Variants in TRPM3 observed in about 807,000 individuals in gnomAD.
TRPM3 encodes the protein long transient receptor potential channel 3.
A neutral mutation model predicts 181.2 loss-of-function variants in TRPM3; 77 were observed. The ratio of observed to expected loss-of-function variants is 0.42; its 90% CI spans 0.35 to 0.51. The LOEUF is 0.51. Among genes scored for constraint, TRPM3 ranks in the 20% least tolerant of loss-of-function variants. The pLI is 0.01. For synonymous variants in TRPM3, 745 were observed against 796.4 expected, an observed-to-expected ratio of 0.94 and a Z score of 1.09; for missense variants, 1,759 against 2,196.7, an observed-to-expected ratio of 0.80 and a Z score of 3.98.
chr9:71,240,892 G>A (rs2081625611), intron 1 of TRPM3, among the ~76,000 whole-genome samples: 1 of 152,024 alleles, frequency 6.6e-6, no homozygotes, highest in Admixed American at 6.6e-5. Flanking sequence ...GAACTCTTTT[G>A]GCTCCTTGTA....
In TRPM3 at chr9:71,011,382, T is replaced by C. The variant is rs78268006; in HGVS notation, c.177+109796A>G. On this transcript the variant is annotated intron_variant, in intron 1 of 25. Coordinates refer to ENST00000677713, the MANE Select transcript of TRPM3 (RefSeq NM_001366145.2). ...ATTTAAACATTACATTATACATGCATTGAAAAAGCACACTGTACCCCACAA... is the reference window on the plus strand; with the variant it reads ...ATTTAAACATTACATTATACATGCACTGAAAAAGCACACTGTACCCCACAA... Among the ~76,000 whole-genome samples, 757 of 152,278 alleles carry C rather than the reference T, an allele frequency of 5.0e-3. 19 individuals are homozygous for C. In the East Asian group the frequency reaches 0.078, roughly 16 times the overall value.
chr9:70,576,027 A>G (rs766084625), intron 22 of TRPM3, among the ~76,000 whole-genome samples: 1 of 152,150 alleles, frequency 6.6e-6, no homozygotes, highest in South Asian at 2.1e-4. Flanking sequence ...TTTCTGACCC[A>G]TCTATGAGCC....
At chr9:70,843,181 T>A in intron 4 of TRPM3, 54 bp from the exon 5 acceptor site, 2 of 1,565,148 alleles carry the variant, frequency 1.3e-6, no homozygotes, top group Non-Finnish European at 1.7e-6. Context: ...TACCTTTTCA[T>A]CATTCTAAAG....
At position 70,532,300 on chromosome 9, in the gene TRPM3, T is replaced by G. The variant is rs1406691359; in HGVS notation, c.*3653A>C. 1 of 152,222 alleles carries G rather than the reference T, an allele frequency of 6.6e-6. No individual in the cohort carries two copies. The highest frequency in any genetic ancestry group is 1.5e-5 in the Non-Finnish European group (1 of 68,040). 9.4% of individuals were successfully genotyped at this position (152,222 alleles called of 1,614,324 possible). A position where few individuals can be genotyped will look rare whatever the true frequency, so the allele number is the denominator to read the frequency against. ...ATAGAAACCATATTTTAGAATACATTTGAAACATTCAGAAGAAACACATTT... is the reference window on the plus strand; with the variant it reads ...ATAGAAACCATATTTTAGAATACATGTGAAACATTCAGAAGAAACACATTT... On this transcript the variant is annotated 3_prime_UTR_variant, in exon 26 of 26. Coordinates refer to ENST00000677713, the MANE Select transcript of TRPM3 (RefSeq NM_001366145.2).
At chr9:71,143,923 T>C (rs2075270221) in intron 1 of TRPM3, among the ~76,000 whole-genome samples, 1 of 152,206 alleles carries the variant, frequency 6.6e-6, no homozygotes, top group Admixed American at 6.5e-5. Flanking sequence ...GCTTTTGATT[T>C]GCAGTTCTCT....
At chr9:71,192,967 G>GTCC (rs1232529097) in intron 1 of TRPM3, among the ~76,000 whole-genome samples, 1 of 151,752 alleles carries the variant, frequency 6.6e-6, no homozygotes, top group East Asian at 1.9e-4. Flanking sequence ...TATCATTTTT[G>GTCC]TCAATTAAAT....
Position 70,650,398 on chromosome 9 carries a change from G to A in TRPM3, c.1346-9738C>T, listed in dbSNP as rs901316129. Among the ~76,000 whole-genome samples the A allele has an allele frequency of 4.6e-5, 7 of 152,248 alleles. No individual in the cohort carries two copies. In the East Asian group the frequency reaches 1.4e-3, roughly 29 times the overall value. On this transcript the variant is annotated intron_variant, in intron 9 of 25. Transcript: ENST00000677713. ...CTTGGTCATTTTGCCTGGAGGCCCA[G>A]GGTATCCTTTATTTTTCTCTGAAGT...
At chr9:71,437,551 T>C (rs2094060486) in intron 1 of TRPM3, among the ~76,000 whole-genome samples, 1 of 152,154 alleles carries the variant, frequency 6.6e-6, no homozygotes, top group East Asian at 1.9e-4. Context: ...AATTGAATGA[T>C]TATAAGAGAC....
chr9:71,425,436 C>T (rs2093846667), intron 1 of TRPM3, among the ~76,000 whole-genome samples: 1 of 152,118 alleles, frequency 6.6e-6, no homozygotes, highest in Non-Finnish European at 1.5e-5. Flanking sequence ...CTGCTTAAGT[C>T]AGAAACATAG....
intron 1 of TRPM3, among the ~76,000 whole-genome samples, chr9:70,971,728 G>A (rs1295211074): frequency 1.3e-5 from 2 of 152,162 alleles, no homozygotes; most frequent in East Asian, 3.8e-4. Flanking sequence ...ATATAGGACT[G>A]AGAAGAGGTA....
intron 1 of TRPM3, among the ~76,000 whole-genome samples, chr9:71,318,275 T>C (rs2088844929): frequency 6.6e-6 from 1 of 152,192 alleles, no homozygotes; most frequent in South Asian, 2.1e-4. Context: ...ATTCCAAATA[T>C]AATCATGTTC....
At chr9:71,413,802 C>T (rs1349797013) in intron 1 of TRPM3, among the ~76,000 whole-genome samples, 1 of 151,836 alleles carries the variant, frequency 6.6e-6, no homozygotes, top group Non-Finnish European at 1.5e-5. Context: ...CCCTAACCTG[C>T]CAGATGCTTT....
chr9:71,440,808 G>A (rs550265528), intron 1 of TRPM3, among the ~76,000 whole-genome samples: 14 of 152,204 alleles, frequency 9.2e-5, no homozygotes, highest in East Asian at 3.9e-4. Flanking sequence ...ACCAGCCCTC[G>A]TTTGGCTTTG....
intron 1 of TRPM3, among the ~76,000 whole-genome samples, chr9:71,359,170 GAA>G (rs1315556779): frequency 6.6e-6 from 1 of 152,160 alleles, no homozygotes; most frequent in Non-Finnish European, 1.5e-5. Context: ...AAATGTAAAA[GAA>G]AAGTCTTAGA....
At chr9:71,153,988 G>A (rs774253834) in intron 1 of TRPM3, among the ~76,000 whole-genome samples, 1 of 152,032 alleles carries the variant, frequency 6.6e-6, no homozygotes, top group Non-Finnish European at 1.5e-5. Flanking sequence ...AATACCAAGA[G>A]TAAATTTGTT....
intron 1 of TRPM3, among the ~76,000 whole-genome samples, chr9:71,103,663 G>C (rs2068839240): frequency 6.6e-6 from 1 of 152,144 alleles, no homozygotes. Context: ...TGGATAGGGA[G>C]ATAAAGCATG....
chr9:70,589,267 T>C (rs1447606491), intron 22 of TRPM3, among the ~76,000 whole-genome samples: 1 of 152,232 alleles, frequency 6.6e-6, no homozygotes, highest in Non-Finnish European at 1.5e-5. Context: ...TTCAGCCAGA[T>C]GGTGGTGTTT....
chr9:70,657,059 C>A, intron 9 of TRPM3, among the ~76,000 whole-genome samples: 1 of 150,748 alleles, frequency 6.6e-6, no homozygotes. Flanking sequence ...ACCAGGAAGT[C>A]CAAGAATATC....
At chr9:70,951,411 G>A (rs906116088) in intron 1 of TRPM3, among the ~76,000 whole-genome samples, 10 of 151,990 alleles carry the variant, frequency 6.6e-5, no homozygotes, top group Admixed American at 2.0e-4. Context: ...GTGCAATCTC[G>A]GCTCACTGCA....
Sources: allele counts gnomAD v4.1 joint callset (sites outside exome capture counted in the v4.1 genomes callset), GRCh38; gene constraint gnomAD v4.1.1; transcripts MANE v1.5; gene names NCBI Gene and HGNC (gene_info 2026-07-23, HGNC 2026-07-21).